The following PDZD2 variants were observed in gnomAD, a reference collection of about 807,000 sequenced individuals.
PDZD2 encodes the protein PDZ domain containing 2.
Under a neutral mutation model 220.7 loss-of-function variants are expected in PDZD2, and 90 were observed. The ratio of observed to expected loss-of-function variants is 0.41; its 90% confidence interval spans 0.34 to 0.49. The LOEUF is 0.49. Among genes scored for constraint, PDZD2 ranks in the 20% least tolerant of loss-of-function variants. The pLI is 0.28. For synonymous variants in PDZD2, 1,375 were observed against 1,450.5 expected (o/e 0.95, Z 1.18); for missense variants, 3,174 against 3,608.5 (o/e 0.88, Z 3.08).
In PDZD2 at chr5:31,799,727, A is replaced by G. The variant is rs756993947; in HGVS notation, c.476+3A>G. 5.7e-6 allele frequency: 9 copies of G among 1,592,466 alleles called. No individual in the cohort carries two copies. Among genetic ancestry groups the G allele is most frequent in the Non-Finnish European group, 6.0e-6 (7 of 1,160,780 alleles). ...GGAGTTGATGTCAGTGGGGCCAGGTAAGTAGGGGGAATGCCTGCTGGCACA... is the reference window on the plus strand; with the variant it reads ...GGAGTTGATGTCAGTGGGGCCAGGTGAGTAGGGGGAATGCCTGCTGGCACA... On this transcript the variant is annotated splice_donor_region_variant and intron_variant, in intron 2 of 24. Transcript: ENST00000438447.
chr5:31,708,271 G>A (rs1747921241), intron 1 of PDZD2, among the ~76,000 whole-genome samples: 1 of 152,162 alleles, frequency 6.6e-6, no homozygotes, highest in Non-Finnish European at 1.5e-5. Flanking sequence ...TGGACATCAC[G>A]GGAATAGATG....
At chr5:31,695,785 C>T (rs1177250053) in intron 1 of PDZD2, among the ~76,000 whole-genome samples, 1 of 152,130 alleles carries the variant, frequency 6.6e-6, no homozygotes, top group African/African-American at 2.4e-5. Context: ...TTGTTCTCAC[C>T]TGCCTTCTAT....
chr5:32,102,454 C>T (rs1301316402), intron 24 of PDZD2, among the ~76,000 whole-genome samples: 2 of 151,408 alleles, frequency 1.3e-5, no homozygotes, highest in African/African-American at 2.4e-5. Context: ...CTGCTCCCAA[C>T]GCCCGGAGCA....
intron 1 of PDZD2, among the ~76,000 whole-genome samples, chr5:31,684,350 C>T (rs531328881): frequency 2.0e-5 from 3 of 152,286 alleles, no homozygotes; most frequent in Admixed American, 2.0e-4. Context: ...GGGAGTCATC[C>T]TGGATTCCTT....
intron 2 of PDZD2, among the ~76,000 whole-genome samples, chr5:31,977,372 C>T (rs140045612): frequency 1.0e-3 from 152 of 152,294 alleles, no homozygotes; most frequent in African/African-American, 3.3e-3. Flanking sequence ...AATAGAATCC[C>T]GGCATAGATA....
chr5:31,968,542 A>G (rs554760833), intron 2 of PDZD2, among the ~76,000 whole-genome samples: 1 of 152,240 alleles, frequency 6.6e-6, no homozygotes, highest in Non-Finnish European at 1.5e-5. Flanking sequence ...AATCCCAGCT[A>G]CTAGGGAGGT....
intron 2 of PDZD2, chr5:31,854,964 G>C: frequency 2.0e-6 from 2 of 985,504 alleles, no homozygotes; most frequent in Non-Finnish European, 2.4e-6. Flanking sequence ...CAGCCTTCGG[G>C]AAGTCCTGCA....
chr5:31,871,431 T>C (rs932990802), intron 2 of PDZD2, among the ~76,000 whole-genome samples: 2 of 152,168 alleles, frequency 1.3e-5, no homozygotes, highest in Non-Finnish European at 2.9e-5. Flanking sequence ...ATTGCTTCCA[T>C]ACCTTCATTC....
At chr5:32,066,714 A>G (rs1392047095) in intron 14 of PDZD2, among the ~76,000 whole-genome samples, 1 of 152,248 alleles carries the variant, frequency 6.6e-6, no homozygotes, top group Non-Finnish European at 1.5e-5. Context: ...ACTTCAAAAT[A>G]ACAGCATAAC....
chr5:31,845,951 C>A (rs915770012), intron 2 of PDZD2, among the ~76,000 whole-genome samples: 1 of 152,138 alleles, frequency 6.6e-6, no homozygotes, highest in African/African-American at 2.4e-5. Context: ...TCAAGACCTG[C>A]AAAGATGTTC....
intron 2 of PDZD2, among the ~76,000 whole-genome samples, chr5:31,845,517 G>C (rs142594211): frequency 6.6e-6 from 1 of 152,214 alleles, no homozygotes; most frequent in Non-Finnish European, 1.5e-5. Flanking sequence ...GCTAACAGTG[G>C]GAGGGAAGTC....
chr5:31,915,219 C>G (rs1200524930), intron 2 of PDZD2, among the ~76,000 whole-genome samples: 1 of 152,172 alleles, frequency 6.6e-6, no homozygotes, highest in Non-Finnish European at 1.5e-5. Flanking sequence ...CACTTGAAAT[C>G]CCCACGTTAT....
intron 1 of PDZD2, among the ~76,000 whole-genome samples, chr5:31,795,878 T>A (rs909211354): frequency 6.6e-5 from 10 of 152,318 alleles, no homozygotes; most frequent in African/African-American, 2.2e-4. Context: ...AGGTATGGGA[T>A]TGAAAGGCTG....
At chr5:31,822,430 C>T (rs1022147673) in intron 2 of PDZD2, 1 of 388,956 alleles carries the variant, frequency 2.6e-6, no homozygotes, top group Non-Finnish European at 4.8e-6. Flanking sequence ...ACCACCACAC[C>T]TGGCTAATTT....
chr5:31,930,052 C>T (rs1328567283), intron 2 of PDZD2, among the ~76,000 whole-genome samples: 1 of 152,142 alleles, frequency 6.6e-6, no homozygotes, highest in Non-Finnish European at 1.5e-5. Flanking sequence ...CTTCTGCTCC[C>T]TTTTTGCCTT....
chr5:31,659,061 CTT>C (rs1745666117), intron 1 of PDZD2, among the ~76,000 whole-genome samples: 1 of 152,188 alleles, frequency 6.6e-6, no homozygotes, highest in Admixed American at 6.5e-5. Flanking sequence ...TCCATACTGA[CTT>C]TGGTTGGCAC....
chr5:31,898,666 G>A (rs1426128142), intron 2 of PDZD2, among the ~76,000 whole-genome samples: 1 of 152,154 alleles, frequency 6.6e-6, no homozygotes, highest in Non-Finnish European at 1.5e-5. Context: ...TGTGGATGCT[G>A]AGAGCTTCCT....
At chr5:32,106,804 GTA>G (rs1420015250) in intron 24 of PDZD2, among the ~76,000 whole-genome samples, 2 of 152,188 alleles carry the variant, frequency 1.3e-5, no homozygotes, top group African/African-American at 4.8e-5. Flanking sequence ...TTCCAAAAAT[GTA>G]TCTATCTCAA....
At chr5:32,034,885 A>G (rs2112211523) in intron 6 of PDZD2, among the ~76,000 whole-genome samples, 1 of 152,290 alleles carries the variant, frequency 6.6e-6, no homozygotes, top group African/African-American at 2.4e-5. Context: ...TGGGGTTGGG[A>G]AAGACATCCC....
Sources: allele counts gnomAD v4.1 joint callset (sites outside exome capture counted in the v4.1 genomes callset), GRCh38; gene constraint gnomAD v4.1.1; transcripts MANE v1.5; gene names NCBI Gene and HGNC (gene_info 2026-07-23, HGNC 2026-07-21).